MCOLN3: variants seen among roughly 807,000 people sequenced by gnomAD.
MCOLN3 encodes the protein mucolipin TRP cation channel 3.
In MCOLN3, 62 loss-of-function variants were observed where a neutral mutation model predicts 69.4. The observed-to-expected ratio is 0.89, with a 90% confidence interval of 0.73 to 1.10. MCOLN3 has a LOEUF of 1.10. Among genes scored for constraint, MCOLN3 ranks in the 50% least tolerant of loss-of-function variants. The pLI, the probability that MCOLN3 is intolerant of heterozygous loss-of-function variation, is 0.00. For missense variants in MCOLN3, 564 were observed against 656.4 expected, an observed-to-expected ratio of 0.86 and a Z score of 1.54; for synonymous variants, 183 against 217.0, an observed-to-expected ratio of 0.84 and a Z score of 1.38.
intron 2 of MCOLN3, among the ~76,000 whole-genome samples, chr1:85,044,812 C>T (rs918050463): frequency 1.3e-5 from 2 of 152,302 alleles, no homozygotes; most frequent in South Asian, 4.1e-4. Flanking sequence ...TTGGACAACA[C>T]TAGTTTCCAT....
chr1:85,037,012 T>G (rs1421561121), intron 3 of MCOLN3: 2 of 152,282 alleles, frequency 1.3e-5, no homozygotes, highest in East Asian at 3.9e-4. Context: ...ATTTGTCAGA[T>G]TAATGGTGAG....
intron 9 of MCOLN3, 84 bp from the exon 10 acceptor site, chr1:85,022,484 A>G (rs781358769): frequency 3.1e-5 from 28 of 892,384 alleles, no homozygotes; most frequent in Non-Finnish European, 4.8e-5. Flanking sequence ...TGAGTAAGGC[A>G]CTGTTTTAGG....
At chr1:85,034,347 T>C in intron 3 of MCOLN3, 96 bp from the exon 4 acceptor site, 5 of 1,287,010 alleles carry the variant, frequency 3.9e-6, no homozygotes, top group Non-Finnish European at 5.5e-6. Context: ...CCTGGCAGGT[T>C]CCCTTGGGAT....
intron 2 of MCOLN3, among the ~76,000 whole-genome samples, chr1:85,043,515 G>A (rs1165813019): frequency 7.4e-6 from 1 of 135,072 alleles, no homozygotes; most frequent in East Asian, 2.0e-4. Flanking sequence ...GGGTGACAGA[G>A]TGGGACTCCA....
At position 85,021,151 on chromosome 1, in the gene MCOLN3, G is replaced by A; in HGVS notation, c.1446C>T (p.Leu482=). Residue 482 remains leucine, a synonymous_variant, in exon 12 of 13, where the codon CTC becomes CTT. Coordinates refer to ENST00000370589, the MANE Select transcript of MCOLN3 (RefSeq NM_018298.11). ...ATATAAAGAGGCTGATGAATGAGTA[G>A]AGGTAAATTCTACTAAACAGCCAGA... ...YLVWLFSRIY[L]YSFISLFIYM... is the part of the protein sequence containing the mutation. The A allele has an allele frequency of 1.2e-6, 2 of 1,613,082 alleles. No individual in the cohort carries two copies.
At chr1:85,027,839 G>A (rs1652301706) in intron 7 of MCOLN3, among the ~76,000 whole-genome samples, 1 of 152,194 alleles carries the variant, frequency 6.6e-6, no homozygotes. Flanking sequence ...CCAATGGAGA[G>A]AGGTGGGCAG....
At chr1:85,047,512 G>T (rs1171763625) in intron 1 of MCOLN3, 2 of 152,308 alleles carry the variant, frequency 1.3e-5, no homozygotes, top group Non-Finnish European at 2.9e-5. Flanking sequence ...GCCATCCGGA[G>T]AGGCTACCGA....
chr1:85,041,090 A>G lies in MCOLN3; in HGVS notation c.316T>C (p.Tyr106His), dbSNP rs778229729. The G allele has an allele frequency of 2.5e-5, 40 of 1,613,988 alleles. No homozygotes were observed. The highest frequency in any genetic ancestry group is 3.3e-5 in the Non-Finnish European group (39 of 1,179,980). The change falls in exon 3 of 13, where the codon TAT (tyrosine) becomes CAT (histidine). Residue 106 changes from tyrosine (Y) to histidine (H), a missense_variant. By Grantham distance (83) the Tyr-to-His change is moderately conservative. Coordinates refer to ENST00000370589, the MANE Select transcript of MCOLN3 (RefSeq NM_018298.11). ...TATGTGTCATCCATTCGGTCCATAT[A>G]TCCTTTTAGGAAAAGGTGTTTGAAT... ...IAFKHLFLKG[Y>H]MDRMDDTYAV...
chr1:85,040,825 ACTT>A (rs111872592), intron 3 of MCOLN3, among the ~76,000 whole-genome samples, 182 bp downstream of exon 3: 177 of 152,260 alleles, frequency 1.2e-3, no homozygotes, highest in African/African-American at 4.1e-3. Context: ...GCTTTTCTCA[ACTT>A]CTGGTTTTAT....
chr1:85,021,337 G>C (rs973793329), intron 11 of MCOLN3, 61 bp from the exon 12 acceptor site: 1 of 1,369,876 alleles, frequency 7.3e-7, no homozygotes. Flanking sequence ...GGAGACCTTT[G>C]TTCATGACAT....
At position 85,022,378 on chromosome 1, in the gene MCOLN3, C is replaced by T. The variant is rs777804566; in HGVS notation, c.1118G>A (p.Cys373Tyr). ...GGTAGAAGTCCCAAGAAGTATGCTA[C>T]AGACATCATAACTAGTTAGACTCTA... ...QAKSLTSYDV[C>Y]SILLGTSTML... Residue 373 changes from cysteine (C) to tyrosine (Y), a missense_variant, in exon 10 of 13, where the codon TGT becomes TAT. Physicochemically the swap from Cys to Tyr is radical, Grantham distance 194 (BLOSUM62 -2). Transcript: ENST00000370589. 4 of 1,610,730 alleles carry T rather than the reference C, an allele frequency of 2.5e-6. No homozygotes were observed. Among genetic ancestry groups the T allele is most frequent in the African/African-American group, 1.3e-5 (1 of 74,792 alleles).
chr1:85,041,528 C>T (rs1017389418), intron 2 of MCOLN3, among the ~76,000 whole-genome samples: 1 of 152,204 alleles, frequency 6.6e-6, no homozygotes, highest in Non-Finnish European at 1.5e-5. Flanking sequence ...CAAAAGGTTT[C>T]ACTGCACTGT....
At chr1:85,029,420 CT>C (rs1652393975) in intron 6 of MCOLN3, 1 of 484,438 alleles carries the variant, frequency 2.1e-6, no homozygotes, top group African/African-American at 1.9e-5. Context: ...CCTGTAGTCT[CT>C]AAAACATTAT....
chr1:85,021,993 C>G (rs1651961642), intron 11 of MCOLN3, 77 bp downstream of exon 11: 1 of 1,514,932 alleles, frequency 6.6e-7, no homozygotes, highest in Non-Finnish European at 8.9e-7. Flanking sequence ...AAAAGGAGTT[C>G]ATTGAAAAAG....
intron 2 of MCOLN3, 136 bp downstream of exon 2, chr1:85,044,997 G>A: frequency 1.4e-5 from 9 of 646,368 alleles, no homozygotes; most frequent in Non-Finnish European, 2.3e-5. Flanking sequence ...AAGGGTCTAA[G>A]ATTGTATGTT....
chr1:85,026,673 C>T (rs1221748190), intron 7 of MCOLN3, among the ~76,000 whole-genome samples: 1 of 150,898 alleles, frequency 6.6e-6, no homozygotes, highest in Non-Finnish European at 1.5e-5. Flanking sequence ...AGCAGAATGG[C>T]GTGGACCTGG....
intron 3 of MCOLN3, among the ~76,000 whole-genome samples, chr1:85,039,255 A>C (rs61770879): frequency 0.12 from 18,308 of 152,154 alleles, 1,393 homozygotes; most frequent in East Asian, 0.25. Flanking sequence ...GTCCCTCCAA[A>C]GTTCTTATGG....
intron 2 of MCOLN3, among the ~76,000 whole-genome samples, chr1:85,043,890 G>A (rs1409388897): frequency 6.6e-6 from 1 of 151,218 alleles, no homozygotes; most frequent in East Asian, 2.0e-4. Flanking sequence ...CCAGGCTGGA[G>A]TGCAGTGGTG....
Position 85,045,268 on chromosome 1 carries a change from C to T in MCOLN3, c.93G>A (p.Glu31=). 1 of 1,614,120 alleles carries T rather than the reference C, an allele frequency of 6.2e-7. No individual in the cohort carries two copies. Among genetic ancestry groups the T allele is most frequent in the Non-Finnish European group, 8.5e-7 (1 of 1,180,004 alleles). ...NFNQQTSPSE[E]LLLEDQMRRK... ...GCCTCATCTGGTCTTCTAATAGAAG[C>T]TCCTCAGATGGAGATGTTTGCTGGT... Residue 31 remains glutamate, a synonymous_variant, in exon 2 of 13, where the codon GAG becomes GAA. Transcript: ENST00000370589.
Sources: gnomAD v4.1 joint callset for allele counts (sites outside exome capture counted in the v4.1 genomes callset) on GRCh38, gnomAD v4.1.1 for gene constraint, MANE v1.5 for transcripts, NCBI Gene and HGNC (gene_info 2026-07-23, HGNC 2026-07-21) for gene names.